The following NEURL1 variants were observed in gnomAD, a reference collection of about 807,000 sequenced individuals.
NEURL1 encodes the protein E3 ubiquitin-protein ligase NEURL1.
NEURL1 carries 26 observed loss-of-function variants against 41.2 expected under a neutral mutation model. That is an observed-to-expected ratio of 0.63 (90% CI 0.46 to 0.87). The LOEUF (loss-of-function observed/expected upper bound fraction) is 0.87. Ranked by LOEUF, NEURL1 falls within the 40% of genes least tolerant of loss-of-function variation. The pLI, the probability that NEURL1 is intolerant of heterozygous loss-of-function variation, is 0.00. For missense variants in NEURL1, 761 were observed against 871.1 expected (o/e 0.87, Z 1.59); for synonymous variants, 400 against 402.3 (o/e 0.99, Z 0.07).
At chr10:103,510,525 G>C (rs767634398) in intron 1 of NEURL1, among the ~76,000 whole-genome samples, 1 of 152,192 alleles carries the variant, frequency 6.6e-6, no homozygotes, top group African/African-American at 2.4e-5. Flanking sequence ...GATGGGCCAG[G>C]TTGGGCCAAC....
chr10:103,503,166 C>T (rs1487289330), intron 1 of NEURL1, among the ~76,000 whole-genome samples: 2 of 152,184 alleles, frequency 1.3e-5, no homozygotes. Context: ...AGACCAGAGG[C>T]GCTAATGGGC....
intron 1 of NEURL1, among the ~76,000 whole-genome samples, chr10:103,528,129 G>A (rs2034498928): frequency 6.6e-6 from 1 of 152,050 alleles, no homozygotes; most frequent in Non-Finnish European, 1.5e-5. Context: ...GCTGAGGTGG[G>A]TGGATCACCT....
At chr10:103,546,273 A>G (rs1261014130) in intron 1 of NEURL1, among the ~76,000 whole-genome samples, 2 of 152,170 alleles carry the variant, frequency 1.3e-5, no homozygotes, top group East Asian at 3.8e-4. Context: ...GCAGTAGACA[A>G]AGCCCTGGGG....
At chr10:103,569,927 GC>G (rs2035502416) in intron 1 of NEURL1, among the ~76,000 whole-genome samples, 1 of 152,202 alleles carries the variant, frequency 6.6e-6, no homozygotes, top group Non-Finnish European at 1.5e-5. Context: ...ACAGAGGGAT[GC>G]AGACCAAAGC....
At chr10:103,526,502 T>C (rs760866505) in intron 1 of NEURL1, among the ~76,000 whole-genome samples, 35 of 148,862 alleles carry the variant, frequency 2.4e-4, no homozygotes, top group Non-Finnish European at 4.1e-4. Flanking sequence ...TTCTGCTAGG[T>C]TTTCTTTTCT....
At chr10:103,584,442 T>C (rs1477161292) in intron 3 of NEURL1, 94 bp from the exon 4 acceptor site, 4 of 774,078 alleles carry the variant, frequency 5.2e-6, no homozygotes, top group Non-Finnish European at 7.2e-6. Context: ...CCATCCGGGA[T>C]TGTAACGGTG....
At chr10:103,578,579 C>A (rs2035716057) in intron 3 of NEURL1, among the ~76,000 whole-genome samples, 1 of 152,166 alleles carries the variant, frequency 6.6e-6, no homozygotes. Flanking sequence ...GATTCCACTG[C>A]TTTTTAAAAA....
At chr10:103,559,881 CACAT>C (rs535818318) in intron 1 of NEURL1, among the ~76,000 whole-genome samples, 55 of 152,086 alleles carry the variant, frequency 3.6e-4, no homozygotes, top group African/African-American at 1.1e-3. Context: ...CATACGCACA[CACAT>C]ACACACATGC....
rs764737440 is a variant in NEURL1, at chr10:103,589,581, G to A, written c.1407G>A (p.Ser469=). Residue 469 remains serine (S), a synonymous_variant, in exon 5 of 6, where the codon TCG becomes TCA. Coordinates refer to ENST00000369780, the MANE Select transcript of NEURL1 (RefSeq NM_004210.5). ...LPCSPASTPT[S]PSALGSRLSD... ...GCTCCCCTGCCTCCACGCCAACCTCGCCCAGTGCCCTGGGCAGCCGCCTGT... is the reference window on the plus strand; with the variant it reads ...GCTCCCCTGCCTCCACGCCAACCTCACCCAGTGCCCTGGGCAGCCGCCTGT... 53 of 1,613,656 alleles carry A rather than the reference G, an allele frequency of 3.3e-5. No individual in the cohort carries two copies. Among genetic ancestry groups the A allele is most frequent in the African/African-American group, 5.3e-5 (4 of 74,894 alleles).
rs1036118559 is a variant in NEURL1, at chr10:103,494,110, G to A, written c.-278G>A. ...GGGAGCCCCGGGCGTCCCCGGCCCC[G>A]GCCCAGGGCCCTGCTTGTGGCCCCC... On this transcript the variant is annotated 5_prime_UTR_variant, in exon 1 of 6. Coordinates refer to ENST00000369780, the MANE Select transcript of NEURL1 (RefSeq NM_004210.5). 1.2e-5 allele frequency: 4 copies of A among 328,628 alleles called. No homozygotes were observed. Among genetic ancestry groups the A allele is most frequent in the Non-Finnish European group, 2.2e-5 (4 of 181,222 alleles). 20.4% of individuals were successfully genotyped at this position (328,628 alleles called of 1,614,324 possible).
In NEURL1 at chr10:103,494,302, G is replaced by C; in HGVS notation, c.-86G>C. On this transcript the variant is annotated 5_prime_UTR_variant, in exon 1 of 6. Transcript: ENST00000369780. Reference sequence around the variant, plus strand: ...GGCCCTCCCCCGGTGGCGCGCACCCGCGCGCGCACACTCGCACACCGCACC... The same window carrying C: ...GGCCCTCCCCCGGTGGCGCGCACCCCCGCGCGCACACTCGCACACCGCACC... 2 of 1,148,298 alleles carry C rather than the reference G, an allele frequency of 1.7e-6. No homozygotes were observed. The highest frequency in any genetic ancestry group is 1.6e-5 in the African/African-American group (1 of 61,042). 71.1% of individuals were successfully genotyped at this position (1,148,298 alleles called of 1,614,324 possible).
chr10:103,586,977 G>C (rs2035936779), intron 4 of NEURL1, among the ~76,000 whole-genome samples: 1 of 152,084 alleles, frequency 6.6e-6, no homozygotes, highest in Middle Eastern at 3.2e-3. Context: ...CTTGAACCTG[G>C]GAGGCAGAGG....
chr10:103,584,274 T>A (rs923452343), intron 3 of NEURL1, among the ~76,000 whole-genome samples: 2 of 152,222 alleles, frequency 1.3e-5, no homozygotes, highest in East Asian at 1.9e-4. Flanking sequence ...AGTACACATA[T>A]GCATATAGCA....
Position 103,590,376 on chromosome 10 carries a change from G to A in NEURL1, c.*4G>A, listed in dbSNP as rs371137866. The A allele has an allele frequency of 1.5e-4, 245 of 1,610,438 alleles. No homozygotes were observed. Among genetic ancestry groups the A allele is most frequent in the Non-Finnish European group, 2.0e-4 (230 of 1,177,140 alleles). On this transcript the variant is annotated 3_prime_UTR_variant, in exon 6 of 6. Transcript: ENST00000369780. Reference sequence around the variant, plus strand: ...CAAGACCTACCGCAGCTCCTAGCCCGTTGCGGTGGCCCATCCCGCATACCC... The same window carrying A: ...CAAGACCTACCGCAGCTCCTAGCCCATTGCGGTGGCCCATCCCGCATACCC...
At chr10:103,504,516 A>G (rs947423517) in intron 1 of NEURL1, among the ~76,000 whole-genome samples, 2 of 152,236 alleles carry the variant, frequency 1.3e-5, no homozygotes, top group East Asian at 1.9e-4. Context: ...TCAACGGCAC[A>G]TGCTGTCAAC....
At chr10:103,495,878 CAGGTGGATCACTTG>C (rs955952199) in intron 1 of NEURL1, among the ~76,000 whole-genome samples, 3 of 152,200 alleles carry the variant, frequency 2.0e-5, no homozygotes, top group Non-Finnish European at 4.4e-5. Flanking sequence ...GAGGCTGAGG[CAGGTGGATCACTTG>C]AGGTCAGGAG....
chr10:103,541,549 G>A (rs757585178), intron 1 of NEURL1, among the ~76,000 whole-genome samples: 4 of 152,182 alleles, frequency 2.6e-5, no homozygotes, highest in African/African-American at 7.2e-5. Context: ...CCTGCCACAC[G>A]CATCACTAGC....
intron 1 of NEURL1, among the ~76,000 whole-genome samples, chr10:103,541,730 G>C (rs747770458): frequency 3.9e-5 from 6 of 152,332 alleles, no homozygotes; most frequent in Non-Finnish European, 8.8e-5. Flanking sequence ...GGTGACTGCT[G>C]TTGTCTCAGG....
chr10:103,588,851 C>T (rs950876745), intron 4 of NEURL1: 12 of 443,494 alleles, frequency 2.7e-5, no homozygotes, highest in African/African-American at 2.1e-4. Context: ...GAGGCTGAGG[C>T]AGGAGAATCT....
Sources: allele counts gnomAD v4.1 joint callset (sites outside exome capture counted in the v4.1 genomes callset), GRCh38; gene constraint gnomAD v4.1.1; transcripts MANE v1.5; gene names NCBI Gene and HGNC (gene_info 2026-07-23, HGNC 2026-07-21).